LRRC49: variants seen among roughly 807,000 people sequenced by gnomAD.
LRRC49 encodes leucine rich repeat containing 49, also known as leucine-rich repeat-containing protein 49.
Under a neutral mutation model 83.3 loss-of-function variants are expected in LRRC49, and 50 were observed. The ratio of observed to expected loss-of-function variants is 0.60; its 90% CI spans 0.48 to 0.76. LRRC49 has a LOEUF of 0.76. LRRC49 is among the 30% of genes least tolerant of loss of function. The pLI is 0.00. For missense variants in LRRC49, 704 were observed against 809.1 expected, an observed-to-expected ratio of 0.87 and a Z score of 1.58; for synonymous variants, 286 against 283.3, an observed-to-expected ratio of 1.01 and a Z score of -0.10.
chr15:70,896,269 C>T (rs995658248), intron 3 of LRRC49, among the ~76,000 whole-genome samples: 1 of 152,018 alleles, frequency 6.6e-6, no homozygotes, highest in Admixed American at 6.6e-5. Context: ...TTAAGGAAAT[C>T]AGGAAAGAAT....
intron 14 of LRRC49, among the ~76,000 whole-genome samples, chr15:71,018,598 C>T (rs2038901254): frequency 6.6e-6 from 1 of 152,158 alleles, no homozygotes; most frequent in Non-Finnish European, 1.5e-5. Flanking sequence ...CTCTTACACA[C>T]CATTCAACAC....
At chr15:70,904,863 T>C in intron 5 of LRRC49, 108 bp downstream of exon 5, 1 of 796,662 alleles carries the variant, frequency 1.3e-6, no homozygotes, top group Non-Finnish European at 2.0e-6. Context: ...GCTAAAATTT[T>C]TTAAAAATTA....
intron 14 of LRRC49, among the ~76,000 whole-genome samples, chr15:71,031,181 G>T (rs1263561352): frequency 6.6e-6 from 1 of 152,160 alleles, no homozygotes; most frequent in Non-Finnish European, 1.5e-5. Context: ...TTTGGATGGG[G>T]TTTTTGTGTG....
Position 71,051,100 on chromosome 15 carries a change from A to G in LRRC49, c.*1488A>G, listed in dbSNP as rs150531156. 1,510 of 152,416 alleles carry G rather than the reference A, an allele frequency of 9.9e-3. 9 individuals carry two copies. The highest frequency in any genetic ancestry group is 0.017 in the Middle Eastern group (5 of 298). The allele number at this position is 152,416 out of a possible 1,614,324, so 9.4% of individuals were successfully genotyped here. A position where few individuals can be genotyped will look rare whatever the true frequency, so the allele number is the denominator to read the frequency against. ...ATGATCCGCCTGCCTCGGCCTCCCA[A>G]AGTGCTGGGATTACAGGTGTGAGCC... On this transcript the variant is annotated 3_prime_UTR_variant, in exon 16 of 16. Coordinates refer to ENST00000260382, the MANE Select transcript of LRRC49 (RefSeq NM_017691.5).
At chr15:71,010,555 A>G (rs973894697) in intron 13 of LRRC49, among the ~76,000 whole-genome samples, 1 of 152,060 alleles carries the variant, frequency 6.6e-6, no homozygotes, top group African/African-American at 2.4e-5. Flanking sequence ...TAAAATAAGT[A>G]TAAGTAAATG....
At chr15:71,048,874 TGTACA>T in intron 15 of LRRC49, 1 of 455,736 alleles carries the variant, frequency 2.2e-6, no homozygotes, top group South Asian at 1.6e-5. Context: ...TCTTCCTAAT[TGTACA>T]CTTCCCCCCA....
At chr15:70,966,384 A>G (rs1169641555) in intron 9 of LRRC49, among the ~76,000 whole-genome samples, 1 of 152,092 alleles carries the variant, frequency 6.6e-6, no homozygotes, top group Non-Finnish European at 1.5e-5. Flanking sequence ...CCATTTCAAC[A>G]TGACCTCACA....
intron 1 of LRRC49, among the ~76,000 whole-genome samples, chr15:70,861,984 G>A (rs546038498): frequency 1.3e-5 from 2 of 152,162 alleles, no homozygotes; most frequent in African/African-American, 4.8e-5. Context: ...AGATCTAGGC[G>A]AGTGATCAGT....
chr15:70,866,290 G>C (rs2032910676), intron 1 of LRRC49, among the ~76,000 whole-genome samples: 1 of 152,046 alleles, frequency 6.6e-6, no homozygotes, highest in Non-Finnish European at 1.5e-5. Flanking sequence ...GGGACTACAG[G>C]CGTGTGCCAC....
Position 70,997,454 on chromosome 15 carries a change from T to TA in LRRC49, c.1170-10915dup, listed in dbSNP as rs956777351. On this transcript the variant is annotated intron_variant, in intron 11 of 15. Transcript: ENST00000260382. ...TGTAGAAAGCATATACTTGGAGCTT[T>TA]AAAAAAAAAATCCTGGCTGGGAGTG... 2.3e-4 allele frequency among the ~76,000 whole-genome samples: 35 copies of TA among 150,398 alleles called. No individual in the cohort carries two copies. The South Asian group carries it at 3.2e-3, about 14-fold the overall frequency.
At chr15:70,980,763 C>T (rs1361725269) in intron 10 of LRRC49, among the ~76,000 whole-genome samples, 1 of 151,954 alleles carries the variant, frequency 6.6e-6, no homozygotes, top group African/African-American at 2.4e-5. Context: ...TAAGTAAAGG[C>T]AGCTTTAAGT....
At chr15:71,025,028 C>G (rs1354150552) in intron 14 of LRRC49, among the ~76,000 whole-genome samples, 1 of 152,146 alleles carries the variant, frequency 6.6e-6, no homozygotes, top group East Asian at 1.9e-4. Context: ...AACAAAATCT[C>G]TGAGAACTAT....
At chr15:71,003,137 A>G (rs2038327464) in intron 11 of LRRC49, among the ~76,000 whole-genome samples, 1 of 151,604 alleles carries the variant, frequency 6.6e-6, no homozygotes, top group African/African-American at 2.4e-5. Flanking sequence ...GGGTTTCATC[A>G]TATTGACCAG....
intron 10 of LRRC49, among the ~76,000 whole-genome samples, chr15:70,981,401 G>A (rs565736898): frequency 4.5e-4 from 68 of 151,416 alleles, no homozygotes; most frequent in African/African-American, 1.6e-3. Flanking sequence ...TGTAGATGAC[G>A]GGTTGATGGG....
At chr15:70,927,743 G>A (rs2035256522) in intron 7 of LRRC49, among the ~76,000 whole-genome samples, 1 of 152,148 alleles carries the variant, frequency 6.6e-6, no homozygotes, top group Non-Finnish European at 1.5e-5. Flanking sequence ...GACCTCCTGG[G>A]CTGAAGCAAT....
At chr15:70,865,820 GA>G (rs2032897817) in intron 1 of LRRC49, among the ~76,000 whole-genome samples, 1 of 152,166 alleles carries the variant, frequency 6.6e-6, no homozygotes, top group Non-Finnish European at 1.5e-5. Flanking sequence ...AAGCCAAGAT[GA>G]ATTGGTCACC....
intron 12 of LRRC49, among the ~76,000 whole-genome samples, chr15:71,008,897 T>C (rs2038553826): frequency 6.6e-6 from 1 of 151,954 alleles, no homozygotes; most frequent in Non-Finnish European, 1.5e-5. Flanking sequence ...ACTTTATAAG[T>C]GATTCACCTT....
chr15:70,857,428 C>T (rs2032679973), intron 1 of LRRC49, among the ~76,000 whole-genome samples: 2 of 151,722 alleles, frequency 1.3e-5, no homozygotes, highest in African/African-American at 2.4e-5. Context: ...CCCAGGAGGT[C>T]GAGGCTGCAG....
In LRRC49 at chr15:70,892,837, T is replaced by A; in HGVS notation, c.-58T>A. ...GACCTCTTTCGGGTCTCTTTGAATC[T>A]CCGCTGTAGCGTCACCTGGAAGGCA... On this transcript the variant is annotated 5_prime_UTR_variant, in exon 1 of 16. Transcript: ENST00000260382. 1.9e-6 allele frequency: 3 copies of A among 1,614,146 alleles called. No individual in the cohort carries two copies. Among genetic ancestry groups the A allele is most frequent in the Non-Finnish European group, 2.5e-6 (3 of 1,180,014 alleles).
Sources: allele counts gnomAD v4.1 joint callset (sites outside exome capture counted in the v4.1 genomes callset), GRCh38; gene constraint gnomAD v4.1.1; transcripts MANE v1.5; gene names NCBI Gene and HGNC (gene_info 2026-07-23, HGNC 2026-07-21).